Variants in CATSPERE observed in about 807,000 individuals in gnomAD.
CATSPERE encodes the protein catsper channel auxiliary subunit epsilon.
A neutral mutation model predicts 114.1 loss-of-function variants in CATSPERE; 93 were observed. The ratio of observed to expected loss-of-function variants is 0.81; its 90% CI spans 0.69 to 0.97. The LOEUF is 0.97. CATSPERE is among the 50% of genes least tolerant of loss of function. The probability of loss-of-function intolerance (pLI) is 0.00; values close to 1 mark genes in which losing one functional copy is unlikely to be tolerated. For missense variants in CATSPERE, 1,058 were observed against 1,131.6 expected (o/e 0.93, Z 0.93); for synonymous variants, 341 against 384.1 (o/e 0.89, Z 1.31).
At chr1:244,463,205 A>G (rs1224171800) in intron 1 of CATSPERE, among the ~76,000 whole-genome samples, 1 of 152,206 alleles carries the variant, frequency 6.6e-6, no homozygotes, top group Admixed American at 6.5e-5. Context: ...GCTAAAAATT[A>G]TTAAAATTAA....
chr1:244,633,496 C>G lies in CATSPERE; in HGVS notation c.2649-1993C>G, dbSNP rs915564294. Reference sequence around the variant, plus strand: ...CTTACATCTAATCTATTCCAAATCACTTTACAAACTGCTATTGAATTAAAT... The same window carrying G: ...CTTACATCTAATCTATTCCAAATCAGTTTACAAACTGCTATTGAATTAAAT... On this transcript the variant is annotated intron_variant, in intron 20 of 21. Coordinates refer to ENST00000366534, the MANE Select transcript of CATSPERE (RefSeq NM_001130957.2). The surrounding 1 kb of genome is among the most constrained non-coding windows in gnomAD (Gnocchi z 4.1). 6.6e-6 allele frequency among the ~76,000 whole-genome samples: 1 copy of G among 152,108 alleles called. No individual in the cohort carries two copies. Among genetic ancestry groups the G allele is most frequent in the African/African-American group, 2.4e-5 (1 of 41,404 alleles).
intron 8 of CATSPERE, among the ~76,000 whole-genome samples, chr1:244,538,455 C>G (rs1413223674): frequency 6.6e-6 from 1 of 152,092 alleles, no homozygotes; most frequent in African/African-American, 2.4e-5. Context: ...AATGCATCAG[C>G]AAGATGGTAG....
intron 8 of CATSPERE, among the ~76,000 whole-genome samples, chr1:244,539,001 C>T (rs1680800065): frequency 1.3e-5 from 2 of 152,188 alleles, no homozygotes; most frequent in African/African-American, 2.4e-5. Flanking sequence ...AGCTGCACGT[C>T]GCTAGCCAGC....
chr1:244,500,395 T>G (rs1365749671), intron 7 of CATSPERE, among the ~76,000 whole-genome samples: 1 of 152,218 alleles, frequency 6.6e-6, no homozygotes, highest in African/African-American at 2.4e-5. Context: ...TTGCTTTTGG[T>G]GTTTTAGTCA....
At chr1:244,572,822 T>G in intron 11 of CATSPERE, 50 bp downstream of exon 11, 1 of 1,216,810 alleles carries the variant, frequency 8.2e-7, no homozygotes, top group Non-Finnish European at 1.1e-6. Context: ...AGTATAAAAG[T>G]ATAATATTAA....
In CATSPERE at chr1:244,635,551, C is replaced by A; in HGVS notation, c.2702+9C>A. The A allele has an allele frequency of 6.2e-7, 1 of 1,605,210 alleles. No individual in the cohort carries two copies. The highest frequency in any genetic ancestry group is 8.5e-7 in the Non-Finnish European group (1 of 1,172,574). On this transcript the variant is annotated intron_variant, in intron 21 of 21. Coordinates refer to ENST00000366534, the MANE Select transcript of CATSPERE (RefSeq NM_001130957.2). ...TTTGGACTGATTCCCAGGTAAGGAG[C>A]AGGGCCTAACTGGACTTTAATTAGG...
intron 17 of CATSPERE, among the ~76,000 whole-genome samples, chr1:244,595,129 A>T (rs1157458902): frequency 6.6e-6 from 1 of 152,204 alleles, no homozygotes; most frequent in Non-Finnish European, 1.5e-5. Context: ...ATCATTGCTA[A>T]ACACCTACTT....
chr1:244,538,527 A>G (rs1230430897), intron 8 of CATSPERE, among the ~76,000 whole-genome samples: 1 of 152,196 alleles, frequency 6.6e-6, no homozygotes, highest in South Asian at 2.1e-4. Flanking sequence ...ACTATCCACA[A>G]ACAAGAATAC....
chr1:244,490,712 A>G (rs1671940764), intron 6 of CATSPERE, among the ~76,000 whole-genome samples: 1 of 152,148 alleles, frequency 6.6e-6, no homozygotes, highest in Admixed American at 6.6e-5. Flanking sequence ...ATATTCACCA[A>G]CAACTTGGCT....
At chr1:244,639,052 A>G (rs1300181991) in intron 21 of CATSPERE, among the ~76,000 whole-genome samples, 1 of 152,110 alleles carries the variant, frequency 6.6e-6, no homozygotes, top group African/African-American at 2.4e-5. Context: ...CCCACTCTCT[A>G]GCTTGACTTA....
intron 5 of CATSPERE, among the ~76,000 whole-genome samples, chr1:244,485,498 G>A (rs565000690): frequency 4.6e-5 from 7 of 151,586 alleles, no homozygotes; most frequent in African/African-American, 1.5e-4. Flanking sequence ...TTAAATATTC[G>A]TTCTCCCTTA....
Position 244,461,357 on chromosome 1 carries a change from C to A in CATSPERE, c.-73C>A, listed in dbSNP as rs927030620. ...AGGCGCCTGCAGCCGCCCGCCGGGC[C>A]GACGTCCCACGGGAATGCGCGAGGC... is the stretch of plus-strand genomic sequence containing the variant. On this transcript the variant is annotated 5_prime_UTR_variant, in exon 1 of 22. Transcript: ENST00000366534. 1 of 1,250,428 alleles carries A rather than the reference C, an allele frequency of 8.0e-7. No individual in the cohort carries two copies. Among genetic ancestry groups the A allele is most frequent in the Non-Finnish European group, 1.0e-6 (1 of 980,640 alleles). 77.5% of individuals were successfully genotyped at this position (1,250,428 alleles called of 1,614,324 possible).
intron 2 of CATSPERE, among the ~76,000 whole-genome samples, chr1:244,477,056 C>A (rs1019669754): frequency 2.0e-5 from 3 of 152,140 alleles, no homozygotes; most frequent in Non-Finnish European, 2.9e-5. Context: ...AGTACAATGA[C>A]GTGATGTCGG....
chr1:244,639,854 A>G, intron 21 of CATSPERE, 74 bp from the exon 22 acceptor site: 2 of 1,361,146 alleles, frequency 1.5e-6, no homozygotes, highest in Non-Finnish European at 2.0e-6. Context: ...CTATTCAAAA[A>G]GTGTTTAAAT....
Position 244,552,517 on chromosome 1 carries a change from T to C in CATSPERE, c.732T>C (p.Asp244=). The change falls in exon 9 of 22, where the codon GAT becomes GAC. Residue 244 remains aspartate, a synonymous_variant. Transcript: ENST00000366534. The part of the protein sequence containing the change: ...PRGSQLMASW[D]ACVVASAVLV... Reference sequence around the variant, plus strand: ...GTAGTCAATTAATGGCTTCCTGGGATGCTTGTGTAGTTGCATCTGCTGTTT... The same window carrying C: ...GTAGTCAATTAATGGCTTCCTGGGACGCTTGTGTAGTTGCATCTGCTGTTT... 2 of 1,614,240 alleles carry C rather than the reference T, an allele frequency of 1.2e-6. No homozygotes were observed. The highest frequency in any genetic ancestry group is 1.7e-6 in the Non-Finnish European group (2 of 1,180,040).
chr1:244,485,209 T>C (rs1036122765), intron 5 of CATSPERE, among the ~76,000 whole-genome samples: 1 of 151,562 alleles, frequency 6.6e-6, no homozygotes, highest in African/African-American at 2.4e-5. Flanking sequence ...TGAGACAGAG[T>C]CTCACTCTGT....
At chr1:244,619,979 C>T (rs1294125822) in intron 20 of CATSPERE, among the ~76,000 whole-genome samples, 2 of 152,026 alleles carry the variant, frequency 1.3e-5, no homozygotes, top group African/African-American at 4.8e-5. Flanking sequence ...ATCAAGTAGT[C>T]ATAAAACAGA....
intron 13 of CATSPERE, among the ~76,000 whole-genome samples, chr1:244,584,242 G>T (rs1387847379): frequency 6.6e-6 from 1 of 152,110 alleles, no homozygotes; most frequent in African/African-American, 2.4e-5. Context: ...GGTAATGGGA[G>T]TTGCAAAAAT....
chr1:244,519,248 G>A (rs904644553), intron 8 of CATSPERE, among the ~76,000 whole-genome samples: 2 of 152,168 alleles, frequency 1.3e-5, no homozygotes, highest in African/African-American at 2.4e-5. Context: ...GTGAGGCCAG[G>A]ATGCAGAGGA....
Sources: allele counts gnomAD v4.1 joint callset (sites outside exome capture counted in the v4.1 genomes callset), GRCh38; gene constraint gnomAD v4.1.1; non-coding constraint Gnocchi (gnomAD v3.1); transcripts MANE v1.5; gene names NCBI Gene and HGNC (gene_info 2026-07-23, HGNC 2026-07-21).